Variants in ARHGAP21 observed in about 807,000 individuals in gnomAD.
ARHGAP21 encodes the protein Rho GTPase activating protein 21.
Under a neutral mutation model 164.6 loss-of-function variants are expected in ARHGAP21, and 38 were observed. The ratio of observed to expected loss-of-function variants is 0.23; its 90% CI spans 0.18 to 0.30. The LOEUF is 0.30. ARHGAP21 is among the 10% of genes least tolerant of loss of function. The probability of loss-of-function intolerance (pLI) is 1.00; values close to 1 mark genes in which losing one functional copy is unlikely to be tolerated. For synonymous variants in ARHGAP21, 766 were observed against 857.9 expected (o/e 0.89, Z 1.87); for missense variants, 1,822 against 2,370.7 (o/e 0.77, Z 4.81).
At position 24,600,811 on chromosome 10, in the gene ARHGAP21, G is replaced by C; in HGVS notation, c.2967C>G (p.Ile989Met). 1 of 1,614,154 alleles carries C rather than the reference G, an allele frequency of 6.2e-7. No homozygotes were observed. Among genetic ancestry groups the C allele is most frequent in the Non-Finnish European group, 8.5e-7 (1 of 1,179,996 alleles). ...QTTPSEEEQP[I>M]SVNACLIDIS... ...TGTCTATCAAGCAAGCATTAACACT[G>C]ATGGGCTGCTCTTCCTCAGACGGAG... The change falls in exon 14 of 26, where the codon ATC becomes ATG. Residue 989 changes from isoleucine to methionine, a missense_variant. Physicochemically the swap from Ile to Met is conservative, Grantham distance 10. Around this residue, in one of 5 missense-constraint regions of ARHGAP21, gnomAD observed 1,090 missense variants for 1,378.9 expected, o/e 0.79. Coordinates refer to ENST00000396432, the MANE Select transcript of ARHGAP21 (RefSeq NM_020824.4).
intron 2 of ARHGAP21, among the ~76,000 whole-genome samples, chr10:24,674,548 T>TCC (rs1439017879): frequency 9.9e-5 from 15 of 151,634 alleles, no homozygotes; most frequent in Non-Finnish European, 1.6e-4. Context: ...TAGCCAGGTG[T>TCC]GGTGGTGCAT....
chr10:24,670,409 AG>A lies in ARHGAP21; in HGVS notation c.64-13del, dbSNP rs1270361376. ...TTATTTTTTGAGACCTAAAGTGAAA[AG>A]ATATTTAAAAGTTAACTACATAACA... On this transcript the variant is annotated splice_polypyrimidine_tract_variant and intron_variant, in intron 2 of 25. Transcript: ENST00000396432. The A allele has an allele frequency of 5.7e-6, 9 of 1,568,030 alleles. No individual in the cohort carries two copies. In the Admixed American group the frequency reaches 7.2e-5, roughly 13 times the overall value.
intron 9 of ARHGAP21, among the ~76,000 whole-genome samples, chr10:24,610,090 G>C (rs2077188656): frequency 6.6e-6 from 1 of 152,160 alleles, no homozygotes; most frequent in Non-Finnish European, 1.5e-5. Flanking sequence ...TAAGAAACGA[G>C]GTCTTGGACA....
chr10:24,647,069 C>T (rs1284790220), intron 4 of ARHGAP21, among the ~76,000 whole-genome samples: 1 of 152,184 alleles, frequency 6.6e-6, no homozygotes, highest in Non-Finnish European at 1.5e-5. Context: ...TCCTAAATTT[C>T]ATGTTAAGTG....
intron 2 of ARHGAP21, among the ~76,000 whole-genome samples, chr10:24,701,120 A>C (rs1423287097): frequency 6.6e-6 from 1 of 152,152 alleles, no homozygotes; most frequent in Non-Finnish European, 1.5e-5. Context: ...CAATTTAACA[A>C]AACAGGAGGA....
chr10:24,622,792 G>A (rs1593063178), intron 7 of ARHGAP21, 30 bp from the exon 8 acceptor site: 1 of 1,602,222 alleles, frequency 6.2e-7, no homozygotes, highest in African/African-American at 1.3e-5. Context: ...CATAGTAGAA[G>A]CTGCTTACTG....
At chr10:24,656,374 C>T (rs71491200) in intron 4 of ARHGAP21, among the ~76,000 whole-genome samples, 116 of 97,744 alleles carry the variant, frequency 1.2e-3, no homozygotes, top group African/African-American at 1.7e-3. Context: ...CCAGCCGCCC[C>T]GTCCGGGAGG....
intron 9 of ARHGAP21, among the ~76,000 whole-genome samples, chr10:24,609,779 A>T (rs973068646): frequency 6.6e-6 from 1 of 152,246 alleles, no homozygotes; most frequent in Admixed American, 6.5e-5. Context: ...ATTCCAATTT[A>T]TCTTATTTTC....
chr10:24,684,965 G>A (rs1842088325), intron 2 of ARHGAP21, among the ~76,000 whole-genome samples: 1 of 152,066 alleles, frequency 6.6e-6, no homozygotes, highest in Non-Finnish European at 1.5e-5. Flanking sequence ...AATAATGACT[G>A]ATATTCGGAC....
rs568248417 is a variant in ARHGAP21 at position 24,686,153 on chromosome 10, G to A, written c.64-15756C>T. On this transcript the variant is annotated intron_variant, in intron 2 of 25. Coordinates refer to ENST00000396432, the MANE Select transcript of ARHGAP21 (RefSeq NM_020824.4). ...ACTCAAATTGGAAACTACTTAGGCC[G>A]GACATGGTGAGTCATGCCTGTAATC... Among the ~76,000 whole-genome samples the A allele has an allele frequency of 2.8e-3, 426 of 151,984 alleles. 2 individuals carry two copies. The highest frequency in any genetic ancestry group is 9.5e-3 in the African/African-American group (395 of 41,466).
intron 4 of ARHGAP21, among the ~76,000 whole-genome samples, chr10:24,642,484 C>T (rs1391967287): frequency 7.2e-6 from 1 of 139,348 alleles, no homozygotes; most frequent in African/African-American, 2.7e-5. Context: ...CACTGCACTC[C>T]AGCCTGGGCG....
chr10:24,613,931 A>T (rs1305051552), intron 9 of ARHGAP21, among the ~76,000 whole-genome samples: 1 of 152,212 alleles, frequency 6.6e-6, no homozygotes, highest in East Asian at 1.9e-4. Context: ...CAAACAAGTT[A>T]ACTGAACTCT....
At chr10:24,630,890 T>A (rs2131327243) in intron 6 of ARHGAP21, among the ~76,000 whole-genome samples, 1 of 152,362 alleles carries the variant, frequency 6.6e-6, no homozygotes, top group Non-Finnish European at 1.5e-5. Context: ...GACTCATTTT[T>A]AATAACTATA....
intron 4 of ARHGAP21, among the ~76,000 whole-genome samples, chr10:24,658,763 C>T (rs1030667304): frequency 2.0e-5 from 3 of 151,706 alleles, no homozygotes; most frequent in Non-Finnish European, 2.9e-5. Flanking sequence ...ACCAACATGG[C>T]ACATGTATAC....
At chr10:24,626,610 T>G (rs1300684247) in intron 7 of ARHGAP21, among the ~76,000 whole-genome samples, 1 of 152,114 alleles carries the variant, frequency 6.6e-6, no homozygotes, top group African/African-American at 2.4e-5. Flanking sequence ...CCATCCAGTC[T>G]AAGGTATTTT....
chr10:24,620,962 T>A lies in ARHGAP21; in HGVS notation c.933A>T (p.Leu311Phe). The A allele has an allele frequency of 6.2e-7, 1 of 1,613,992 alleles. No homozygotes were observed. The highest frequency in any genetic ancestry group is 2.2e-5 in the East Asian group (1 of 44,882). The change falls in exon 9 of 26, where the codon TTA (leucine) becomes TTT (phenylalanine). Residue 311 changes from leucine (L) to phenylalanine (F), a missense_variant. Physicochemically the swap from Leu to Phe is conservative, Grantham distance 22 (BLOSUM62 0). Around this residue, in one of 5 missense-constraint regions of ARHGAP21, gnomAD observed 1,090 missense variants for 1,378.9 expected, o/e 0.79. Coordinates refer to ENST00000396432, the MANE Select transcript of ARHGAP21 (RefSeq NM_020824.4). ...VRYGVSEQTS[L>F]KTVSRTTSPP... is the part of the protein sequence containing the mutation. ...GTGATGTGGTTCTTGACACTGTTTTTAAAGAGGTCTGCTCACTCACGCCAT... is the reference window on the plus strand; with the variant it reads ...GTGATGTGGTTCTTGACACTGTTTTAAAAGAGGTCTGCTCACTCACGCCAT...
intron 7 of ARHGAP21, among the ~76,000 whole-genome samples, chr10:24,625,702 T>C (rs1835075546): frequency 6.6e-6 from 1 of 152,218 alleles, no homozygotes; most frequent in Non-Finnish European, 1.5e-5. Flanking sequence ...ACTTGACAAA[T>C]GGCTACTTAA....
At chr10:24,593,333 T>G (rs571039165) in intron 21 of ARHGAP21, among the ~76,000 whole-genome samples, 2 of 152,194 alleles carry the variant, frequency 1.3e-5, no homozygotes, top group Non-Finnish European at 2.9e-5. Flanking sequence ...CTCTAGAATA[T>G]GTACTCATCC....
intron 9 of ARHGAP21, among the ~76,000 whole-genome samples, chr10:24,610,388 A>C (rs1022432778): frequency 6.6e-6 from 1 of 151,816 alleles, no homozygotes. Flanking sequence ...AAAAAAAAAA[A>C]AGTCTTCATT....
Sources: allele counts gnomAD v4.1 joint callset (sites outside exome capture counted in the v4.1 genomes callset), GRCh38; gene constraint gnomAD v4.1.1; regional missense constraint gnomAD v4.1.1; transcripts MANE v1.5; gene names NCBI Gene and HGNC (gene_info 2026-07-23, HGNC 2026-07-21).